Variants in TENM1 observed in about 807,000 individuals in gnomAD.
TENM1 encodes teneurin transmembrane protein 1.
A neutral mutation model predicts 174.8 loss-of-function variants in TENM1; 35 were observed. The observed-to-expected ratio is 0.20, with a 90% confidence interval of 0.15 to 0.27. TENM1 has a LOEUF of 0.27. Ranked by LOEUF, TENM1 falls within the 10% of genes least tolerant of loss-of-function variation. The pLI is 1.00. For synonymous variants in TENM1, 781 were observed against 798.7 expected (o/e 0.98, Z 0.37); for missense variants, 1,633 against 2,130.1 (o/e 0.77, Z 4.59).
intron 3 of TENM1, among the ~76,000 whole-genome samples, chrX:124,860,171 C>T (rs897977684): frequency 5.4e-5 from 6 of 111,862 alleles, no homozygotes; most frequent in Non-Finnish European, 1.1e-4. Context: ...TACATAGTGA[C>T]CTCACACATT....
At position 124,765,499 on chromosome X, in the gene TENM1, C is replaced by T. The variant is rs145541189; in HGVS notation, c.536-28302G>A. On this transcript the variant is annotated intron_variant, in intron 3 of 31. Coordinates refer to ENST00000422452, the Ensembl canonical transcript of TENM1. ...TGGAGAAAACCAGACAAGTCATCCT[C>T]AAATCATATTGAATTTCCATCCATT... Among the ~76,000 whole-genome samples, 693 of 112,164 alleles carry T rather than the reference C, an allele frequency of 6.2e-3. 9 individuals are homozygous for T. Among genetic ancestry groups the T allele is most frequent in the African/African-American group, 0.021 (649 of 30,959 alleles).
chrX:124,904,435 C>T (rs1212271651), intron 1 of TENM1, among the ~76,000 whole-genome samples: 1 of 111,926 alleles, frequency 8.9e-6, no homozygotes, highest in Non-Finnish European at 1.9e-5. Flanking sequence ...AACATGGAAC[C>T]ACTCTTGAAA....
At chrX:124,581,557 T>G (rs758789262) in intron 11 of TENM1, among the ~76,000 whole-genome samples, 1 of 112,465 alleles carries the variant, frequency 8.9e-6, no homozygotes, top group African/African-American at 3.2e-5. Flanking sequence ...ATATCCCCAG[T>G]AATGGGACTG....
chrX:125,135,984 A>G, the TENM1 span, among the ~76,000 whole-genome samples: 1 of 112,160 alleles, frequency 8.9e-6, no homozygotes, highest in Admixed American at 9.5e-5. Context: ...TACCTTTACA[A>G]CATTTTAAAG....
At chrX:124,861,539 A>G (rs1355845220) in intron 3 of TENM1, among the ~76,000 whole-genome samples, 2 of 112,155 alleles carry the variant, frequency 1.8e-5, no homozygotes, top group Non-Finnish European at 3.8e-5. Context: ...TGACTACCCT[A>G]TAGATCCACA....
intron 18 of TENM1, among the ~76,000 whole-genome samples, chrX:124,506,977 A>G (rs1284110524): frequency 8.9e-6 from 1 of 111,891 alleles, no homozygotes; most frequent in Admixed American, 9.5e-5. Flanking sequence ...CCTCAGCTAA[A>G]TAAGCACAGT....
chrX:124,854,764 CTG>C (rs753010590), intron 3 of TENM1, among the ~76,000 whole-genome samples: 1 of 111,300 alleles, frequency 9.0e-6, no homozygotes. Context: ...ATACTCTAAA[CTG>C]TTGTTTGGAA....
chrX:124,776,612 A>G lies in TENM1; in HGVS notation c.536-39415T>C, dbSNP rs992156509. Among the ~76,000 whole-genome samples, 3 of 112,216 alleles carry G rather than the reference A, an allele frequency of 2.7e-5. No homozygotes were observed. In the South Asian group the frequency reaches 1.1e-3, roughly 41 times the overall value. ...CAAAAATATTTATCTGTTTATGTGC[A>G]AAGTTTAAAGTTTTACAAAATTTTA... On this transcript the variant is annotated intron_variant, in intron 3 of 31. Transcript: ENST00000422452.
rs754014027 is a variant in TENM1 at position 124,916,392 on chromosome X, C to T, written c.218-20151G>A. Among the ~76,000 whole-genome samples, 4 of 111,111 alleles carry T rather than the reference C, an allele frequency of 3.6e-5. No homozygotes were observed. In the East Asian group the frequency reaches 8.5e-4, roughly 24 times the overall value. On this transcript the variant is annotated intron_variant, in intron 1 of 31. Transcript: ENST00000422452. ...GCATCATCATAGCTCACTGTAACCT[C>T]GACCTCCTGGGTTCAAGTGATTCTC...
intron 19 of TENM1, among the ~76,000 whole-genome samples, chrX:124,501,432 G>T (rs1262584345): frequency 8.9e-6 from 1 of 111,892 alleles, no homozygotes; most frequent in African/African-American, 3.2e-5. Flanking sequence ...CTGCCTGCTA[G>T]AAACTACCCA....
At chrX:124,920,706 CTTCA>C (rs370110483) in intron 1 of TENM1, among the ~76,000 whole-genome samples, 1,174 of 110,262 alleles carry the variant, frequency 0.011, 14 homozygotes, top group African/African-American at 0.036. Flanking sequence ...GAAAAAGTTA[CTTCA>C]TTTTTATTTA....
chrX:124,621,911 C>A (rs2050528811), intron 11 of TENM1, among the ~76,000 whole-genome samples: 1 of 112,128 alleles, frequency 8.9e-6, no homozygotes. Flanking sequence ...TGAGCATAGT[C>A]TGAATAAACA....
chrX:124,437,092 C>T (rs1163393762), intron 23 of TENM1, among the ~76,000 whole-genome samples: 1 of 101,967 alleles, frequency 9.8e-6, no homozygotes, highest in African/African-American at 3.6e-5. Flanking sequence ...AGGCACCCAC[C>T]ATGCTCGGCT....
chrX:124,482,626 T>C (rs946577273), intron 21 of TENM1, among the ~76,000 whole-genome samples: 1 of 112,084 alleles, frequency 8.9e-6, no homozygotes, highest in Non-Finnish European at 1.9e-5. Context: ...AAAGTTATAA[T>C]GGCAATCATA....
At chrX:125,196,452 T>C in the TENM1 span, among the ~76,000 whole-genome samples, 1 of 111,671 alleles carries the variant, frequency 9.0e-6, no homozygotes, top group African/African-American at 3.2e-5. Context: ...ATTTTTGGGC[T>C]ACTTAATAGA....
intron 18 of TENM1, among the ~76,000 whole-genome samples, chrX:124,519,977 T>C (rs1253746621): frequency 8.9e-6 from 1 of 112,034 alleles, no homozygotes; most frequent in Non-Finnish European, 1.9e-5. Flanking sequence ...AAAGGACCTC[T>C]TAAGGTCCCT....
At chrX:124,584,924 C>T (rs1329164514) in intron 11 of TENM1, among the ~76,000 whole-genome samples, 6 of 109,208 alleles carry the variant, frequency 5.5e-5, no homozygotes, top group African/African-American at 2.0e-4. Context: ...CAACAAAGAT[C>T]AAAAGAGACA....
intron 25 of TENM1, among the ~76,000 whole-genome samples, chrX:124,419,300 T>A (rs1458736714): frequency 8.9e-6 from 1 of 111,985 alleles, no homozygotes; most frequent in East Asian, 2.8e-4. Context: ...ACTGGACATA[T>A]TCTCTATATC....
chrX:125,149,929 G>A, the TENM1 span, among the ~76,000 whole-genome samples: 1 of 111,446 alleles, frequency 9.0e-6, no homozygotes, highest in Non-Finnish European at 1.9e-5. Flanking sequence ...CACAGGCAAC[G>A]TTCTAATTTT....
Sources: gnomAD v4.1 joint callset for allele counts (sites outside exome capture counted in the v4.1 genomes callset) on GRCh38, gnomAD v4.1.1 for gene constraint, MANE v1.5 for transcripts, NCBI Gene and HGNC (gene_info 2026-07-23, HGNC 2026-07-21) for gene names.